The following RSPH14 variants were observed in gnomAD, a reference collection of about 807,000 sequenced individuals.
The protein encoded by RSPH14 is rhabdoid tumor deletion region gene 1.
A neutral mutation model predicts 26.7 loss-of-function variants in RSPH14; 20 were observed. The observed-to-expected ratio is 0.75, with a 90% CI of 0.53 to 1.09. The LOEUF (loss-of-function observed/expected upper bound fraction) is 1.09, where lower values mean the gene tolerates loss of function less well. RSPH14 is among the 50% of genes least tolerant of loss of function. RSPH14 has a pLI of 0.00. For synonymous variants in RSPH14, 177 were observed against 189.3 expected, an observed-to-expected ratio of 0.93 and a Z score of 0.53; for missense variants, 449 against 457.2, an observed-to-expected ratio of 0.98 and a Z score of 0.16.
chr22:23,099,875 C>T (rs1009385929), intron 4 of RSPH14, among the ~76,000 whole-genome samples: 1 of 152,244 alleles, frequency 6.6e-6, no homozygotes, highest in African/African-American at 2.4e-5. Context: ...ACTGGAGGCA[C>T]CTGAGGGGGT....
upstream of RSPH14, chr22:23,145,684 G>T: frequency 9.1e-7 from 1 of 1,103,136 alleles, no homozygotes; most frequent in Non-Finnish European, 1.3e-6. Context: ...GCGGCCTGCG[G>T]CCCCGGGGCG....
At chr22:23,179,145 T>G in the RSPH14 span, among the ~76,000 whole-genome samples, 1 of 152,166 alleles carries the variant, frequency 6.6e-6, no homozygotes, top group Non-Finnish European at 1.5e-5. Context: ...TCCTTTAGAT[T>G]GGACTTCAAA....
chr22:23,077,826 G>T (rs541467860), intron 4 of RSPH14, among the ~76,000 whole-genome samples: 1 of 152,278 alleles, frequency 6.6e-6, no homozygotes, highest in South Asian at 2.1e-4. Flanking sequence ...CCTTCACCCT[G>T]ACCCCAGCAG....
chr22:23,147,317 T>G (rs1286007285), upstream of RSPH14, among the ~76,000 whole-genome samples: 1 of 152,038 alleles, frequency 6.6e-6, no homozygotes, highest in Non-Finnish European at 1.5e-5. Flanking sequence ...CCCTCTAAGA[T>G]CCAGCCATTC....
chr22:23,125,353 A>G (rs2070156023), intron 4 of RSPH14, among the ~76,000 whole-genome samples: 1 of 151,844 alleles, frequency 6.6e-6, no homozygotes, highest in African/African-American at 2.4e-5. Flanking sequence ...CATACCCTGG[A>G]CCCCTCCCAC....
the RSPH14 span, among the ~76,000 whole-genome samples, chr22:23,174,332 C>T: frequency 2.7e-5 from 4 of 150,784 alleles, no homozygotes; most frequent in Non-Finnish European, 4.4e-5. Context: ...TAAGCCCAGG[C>T]GTCTAAGGCT....
At chr22:23,169,036 G>C in the RSPH14 span, among the ~76,000 whole-genome samples, 1 of 152,202 alleles carries the variant, frequency 6.6e-6, no homozygotes, top group East Asian at 1.9e-4. Flanking sequence ...GCTGCCAATG[G>C]TGGCCAGGAG....
intron 4 of RSPH14, among the ~76,000 whole-genome samples, chr22:23,104,226 G>A (rs550106652): frequency 9.5e-4 from 144 of 152,312 alleles, no homozygotes; most frequent in African/African-American, 3.3e-3. Flanking sequence ...GGCGGTGTAA[G>A]GTCTAAGCAG....
At chr22:23,161,075 T>G in the RSPH14 span, 1 of 1,505,564 alleles carries the variant, frequency 6.6e-7, no homozygotes, top group Non-Finnish European at 9.0e-7. Flanking sequence ...CCTCGTCACC[T>G]GAGGCCTTGC....
At chr22:23,082,084 C>T (rs72617225) in intron 4 of RSPH14, among the ~76,000 whole-genome samples, 34,086 of 146,838 alleles carry the variant, frequency 0.23, 4,409 homozygotes, top group East Asian at 0.36. Flanking sequence ...GAGATCGTGC[C>T]GCTGCACTCC....
At chr22:23,091,061 T>A (rs1010187703) in intron 4 of RSPH14, among the ~76,000 whole-genome samples, 4 of 152,186 alleles carry the variant, frequency 2.6e-5, no homozygotes, top group Non-Finnish European at 5.9e-5. Context: ...GGATGCCACA[T>A]GCAACCACAT....
the RSPH14 span, among the ~76,000 whole-genome samples, chr22:23,155,249 T>C: frequency 6.6e-6 from 1 of 152,200 alleles, no homozygotes; most frequent in East Asian, 1.9e-4. Flanking sequence ...GGAACAATTT[T>C]CCGACTCAGC....
chr22:23,159,052 G>T, the RSPH14 span: 1 of 1,585,796 alleles, frequency 6.3e-7, no homozygotes, highest in South Asian at 1.1e-5. Flanking sequence ...CATTGGAGGA[G>T]CCATGGGGAG....
intron 4 of RSPH14, among the ~76,000 whole-genome samples, chr22:23,072,403 C>T (rs887312665): frequency 3.3e-5 from 5 of 152,210 alleles, no homozygotes; most frequent in Non-Finnish European, 5.9e-5. Flanking sequence ...GTTTAAAAGT[C>T]TTCCTGTGTG....
At chr22:23,162,715 T>C in the RSPH14 span, 4 of 456,270 alleles carry the variant, frequency 8.8e-6, no homozygotes, top group Admixed American at 9.4e-5. Context: ...ACCCGTCTCG[T>C]GCTGTTGCTT....
chr22:23,089,358 G>C (rs2068899824), intron 4 of RSPH14, among the ~76,000 whole-genome samples: 1 of 152,154 alleles, frequency 6.6e-6, no homozygotes, highest in South Asian at 2.1e-4. Context: ...TGGAGGTTAC[G>C]GGCAGGGCAG....
upstream of RSPH14, among the ~76,000 whole-genome samples, chr22:23,144,819 G>A (rs1394945923): frequency 6.6e-6 from 1 of 152,192 alleles, no homozygotes; most frequent in Non-Finnish European, 1.5e-5. Flanking sequence ...GCTGAATTAA[G>A]TAGGTTCTCA....
rs914052694 is a variant in RSPH14, at chr22:23,095,619, G to A, written c.422-31486C>T. ...AGGGCAGCTGGGCTCTTGTCTGCCT[G>A]GTCTCAGTGTCCCCTGTGGCAAGAG... On this transcript the variant is annotated intron_variant, in intron 4 of 6. Coordinates refer to ENST00000216036, the MANE Select transcript of RSPH14 (RefSeq NM_014433.3). 14 of 1,492,708 alleles carry A rather than the reference G, an allele frequency of 9.4e-6. No individual in the cohort carries two copies. In the South Asian group the frequency reaches 1.9e-4, roughly 20 times the overall value. The allele number at this position is 1,492,708 out of a possible 1,614,324, so 92.5% of individuals were successfully genotyped here.
At chr22:23,142,798 C>T (rs2070624950), upstream of RSPH14, among the ~76,000 whole-genome samples, 1 of 152,174 alleles carries the variant, frequency 6.6e-6, no homozygotes, top group African/African-American at 2.4e-5. Flanking sequence ...AAGCCAGACC[C>T]AGCCACCACC....
Sources: allele counts gnomAD v4.1 joint callset (sites outside exome capture counted in the v4.1 genomes callset), GRCh38; gene constraint gnomAD v4.1.1; transcripts MANE v1.5; gene names NCBI Gene and HGNC (gene_info 2026-07-23, HGNC 2026-07-21).